ACTA2: variants seen among roughly 807,000 people sequenced by gnomAD.
The protein encoded by ACTA2 is actin alpha 2, smooth muscle.
In ACTA2, 12 loss-of-function variants were observed where a neutral mutation model predicts 39.5. The observed-to-expected ratio is 0.30, with a 90% CI of 0.19 to 0.49. The LOEUF (loss-of-function observed/expected upper bound fraction) is 0.49, where lower values mean the gene tolerates loss of function less well. Among genes scored for constraint, ACTA2 ranks in the 20% least tolerant of loss-of-function variants. The pLI is 0.99. For missense variants in ACTA2, 236 were observed against 498.8 expected (o/e 0.47, Z 5.02); for synonymous variants, 158 against 180.6 (o/e 0.88, Z 1.00).
intron 6 of ACTA2, chr10:88,940,994 C>T (rs1845836736): frequency 5.9e-6 from 3 of 508,432 alleles, no homozygotes; most frequent in Non-Finnish European, 1.1e-5. Flanking sequence ...ATCAATTATA[C>T]AACACTGACT....
At chr10:88,949,092 G>C (rs1417557810) in intron 1 of ACTA2, 139 bp from the exon 2 acceptor site, 31 of 730,454 alleles carry the variant, frequency 4.2e-5, no homozygotes, top group Non-Finnish European at 6.4e-5. Context: ...ATCTAATATA[G>C]CATGTATCTG....
rs374839912 is a variant in ACTA2 at position 88,986,671 on chromosome 10, G to A, written c.-24+4268C>T. On this transcript the variant is annotated intron_variant, in intron 1 of 4. Coordinates refer to the ACTA2 transcript ENST00000415557. Reference sequence around the variant, plus strand: ...TACAGAAAGGAAGTAATACAGGAAGGAAGTAGTGCAGGAAGGAAGTAGTGC... The same window carrying A: ...TACAGAAAGGAAGTAATACAGGAAGAAAGTAGTGCAGGAAGGAAGTAGTGC... 1.1e-4 allele frequency among the ~76,000 whole-genome samples: 7 copies of A among 64,892 alleles called. No individual in the cohort carries two copies. In the East Asian group the frequency reaches 1.4e-3, roughly 13 times the overall value. The allele number at this position is 64,892 out of a possible 152,430, so 42.6% of individuals were successfully genotyped here. A position where few individuals can be genotyped will look rare whatever the true frequency, so the allele number is the denominator to read the frequency against.
chr10:88,954,208 T>C (rs1366104384), upstream of ACTA2, among the ~76,000 whole-genome samples: 1 of 152,196 alleles, frequency 6.6e-6, no homozygotes, highest in Non-Finnish European at 1.5e-5. Flanking sequence ...CATGTTACTA[T>C]GTCAGATCTG....
rs1029865960 is a variant in ACTA2, at chr10:88,940,976, A to T, written c.616+253T>A. On this transcript the variant is annotated intron_variant, in intron 6 of 8. Coordinates refer to ENST00000224784, the MANE Select transcript of ACTA2 (RefSeq NM_001613.4). ...CTTCTATTTGCTAATGGAGGGGATT[A>T]AAAAAAGATCAATTATACAACACTG... 32 of 444,998 alleles carry T rather than the reference A, an allele frequency of 7.2e-5. 1 individual carries two copies. The highest frequency in any genetic ancestry group is 5.9e-4 in the South Asian group (29 of 49,294). 27.6% of individuals were successfully genotyped at this position (444,998 alleles called of 1,614,324 possible).
intron 1 of ACTA2, chr10:88,973,766 A>ATT (rs1846500790): frequency 6.5e-6 from 1 of 152,762 alleles, no homozygotes; most frequent in Admixed American, 6.5e-5. Context: ...ATTAACAGGT[A>ATT]TATATATTTG....
chr10:88,974,992 A>G (rs1216308607), intron 1 of ACTA2: 1 of 152,200 alleles, frequency 6.6e-6, no homozygotes, highest in South Asian at 2.1e-4. Context: ...GAGGAAAATA[A>G]TAAGTTTATT....
intron 1 of ACTA2, among the ~76,000 whole-genome samples, chr10:88,963,474 T>A (rs1162832102): frequency 6.6e-6 from 1 of 152,024 alleles, no homozygotes; most frequent in Non-Finnish European, 1.5e-5. Context: ...GAATTTTAAA[T>A]TTTTTACACT....
rs184215545 is a variant in ACTA2 at position 88,971,945 on chromosome 10, T to C, written c.-24+18994A>G. Among the ~76,000 whole-genome samples, 422 of 151,972 alleles carry C rather than the reference T, an allele frequency of 2.8e-3. 2 individuals carry two copies. The highest frequency in any genetic ancestry group is 9.9e-3 in the African/African-American group (412 of 41,456). On this transcript the variant is annotated intron_variant, in intron 1 of 4. Coordinates refer to the ACTA2 transcript ENST00000415557. The stretch of plus-strand genomic sequence containing the variant: ...TTTTTTTTTAGATGGAGTCTTGCTC[T>C]GTCGCCAGGCTGGAGTGCAGAGGCG...
At chr10:88,970,122 A>G (rs1211226877) in intron 1 of ACTA2, among the ~76,000 whole-genome samples, 1 of 152,206 alleles carries the variant, frequency 6.6e-6, no homozygotes, top group African/African-American at 2.4e-5. Context: ...CTTATACTTA[A>G]TGTTAAAATT....
intron 1 of ACTA2, among the ~76,000 whole-genome samples, chr10:88,964,946 A>G (rs956615443): frequency 4.6e-5 from 7 of 152,076 alleles, no homozygotes; most frequent in African/African-American, 1.7e-4. Flanking sequence ...AAACATTTTT[A>G]GTGTCTTAAG....
At chr10:88,960,640 T>A (rs1174445637) in intron 1 of ACTA2, among the ~76,000 whole-genome samples, 1 of 152,188 alleles carries the variant, frequency 6.6e-6, no homozygotes, top group Non-Finnish European at 1.5e-5. Flanking sequence ...CGAAGGTTCC[T>A]GGAATATATG....
Position 88,990,415 on chromosome 10 carries a change from C to T in ACTA2, c.-24+524G>A, listed in dbSNP as rs1847089779. The stretch of plus-strand genomic sequence containing the variant: ...GCCTTTAGAAAGGGCAGGAGGCCGG[C>T]TCTCGAGGTCCTCACCTGAAGTGAG... On this transcript the variant is annotated intron_variant, in intron 1 of 4. Coordinates refer to the ACTA2 transcript ENST00000415557. This position sits in a 1 kb window ranked among gnomAD's most constrained non-coding sequence, Gnocchi z 4.9. 2 of 453,392 alleles carry T rather than the reference C, an allele frequency of 4.4e-6. No homozygotes were observed. Among genetic ancestry groups the T allele is most frequent in the Non-Finnish European group, 8.4e-6 (2 of 237,260 alleles). 28.1% of individuals were successfully genotyped at this position (453,392 alleles called of 1,614,324 possible).
intron 1 of ACTA2, among the ~76,000 whole-genome samples, chr10:88,982,828 C>A (rs1283695937): frequency 6.6e-6 from 1 of 152,100 alleles, no homozygotes; most frequent in Admixed American, 6.5e-5. Context: ...CTACATTTCC[C>A]ATCTACTACC....
chr10:88,939,389 G>A, intron 7 of ACTA2, 118 bp downstream of exon 7: 1 of 1,363,626 alleles, frequency 7.3e-7, no homozygotes, highest in Non-Finnish European at 1.0e-6. Flanking sequence ...CCTTTTTCTG[G>A]TTTAGAAATG....
chr10:88,941,033 T>C, intron 6 of ACTA2, 196 bp downstream of exon 6: 1 of 659,668 alleles, frequency 1.5e-6, no homozygotes, highest in Non-Finnish European at 2.7e-6. Context: ...TCTATAACTG[T>C]TCTCCTCAAG....
chr10:88,940,374 G>A (rs1254901228), intron 6 of ACTA2: 3 of 156,178 alleles, frequency 1.9e-5, no homozygotes, highest in East Asian at 3.8e-4. Flanking sequence ...ACCTTTTAGA[G>A]GCATCTTGGG....
At chr10:88,983,827 C>CTT (rs1846789418) in intron 1 of ACTA2, among the ~76,000 whole-genome samples, 1 of 152,138 alleles carries the variant, frequency 6.6e-6, no homozygotes, top group Non-Finnish European at 1.5e-5. Flanking sequence ...CATTGAATGA[C>CTT]TTGGAAATTC....
At chr10:88,962,702 G>A (rs1258399915) in intron 1 of ACTA2, among the ~76,000 whole-genome samples, 1 of 151,868 alleles carries the variant, frequency 6.6e-6, no homozygotes, top group Non-Finnish European at 1.5e-5. Flanking sequence ...TTACCATGAT[G>A]TGGAATAAAC....
At chr10:88,940,717 T>C in intron 6 of ACTA2, 1 of 210,770 alleles carries the variant, frequency 4.7e-6, no homozygotes, top group Admixed American at 5.1e-5. Flanking sequence ...AGCTAACAAT[T>C]ATTGAATGCT....
Sources: allele counts gnomAD v4.1 joint callset (sites outside exome capture counted in the v4.1 genomes callset), GRCh38; gene constraint gnomAD v4.1.1; non-coding constraint Gnocchi (gnomAD v3.1); transcripts MANE v1.5; gene names NCBI Gene and HGNC (gene_info 2026-07-23, HGNC 2026-07-21).